ERG: variants seen among roughly 807,000 people sequenced by gnomAD.
The protein encoded by ERG is transcriptional regulator ERG.
ERG carries 9 observed loss-of-function variants against 55.3 expected under a neutral mutation model. That is an observed-to-expected ratio of 0.16 (90% CI 0.10 to 0.28). The LOEUF is 0.28. ERG is among the 10% of genes least tolerant of loss of function. The pLI, the probability that ERG is intolerant of heterozygous loss-of-function variation, is 1.00. For synonymous variants in ERG, 223 were observed against 237.3 expected (o/e 0.94, Z 0.55); for missense variants, 434 against 631.6 (o/e 0.69, Z 3.35).
chr21:38,621,985 C>T (rs1449398009), intron 1 of ERG, among the ~76,000 whole-genome samples: 3 of 152,250 alleles, frequency 2.0e-5, no homozygotes, highest in Admixed American at 6.5e-5. Flanking sequence ...TAAACACACG[C>T]AGCTGCTCAG....
At chr21:38,560,760 C>T (rs535753531) in intron 2 of ERG, among the ~76,000 whole-genome samples, 11 of 152,284 alleles carry the variant, frequency 7.2e-5, no homozygotes, top group Admixed American at 2.0e-4. Context: ...TTACCCATGA[C>T]GCTATTTAGC....
intron 1 of ERG, among the ~76,000 whole-genome samples, chr21:38,599,547 C>T (rs1180569120): frequency 3.3e-5 from 5 of 152,192 alleles, no homozygotes; most frequent in Admixed American, 3.3e-4. Flanking sequence ...CCTGGAGAAC[C>T]AGAGGCAGAG....
downstream of ERG, among the ~76,000 whole-genome samples, chr21:38,378,223 T>G (rs906236026): frequency 2.0e-5 from 3 of 152,204 alleles, no homozygotes; most frequent in Admixed American, 2.0e-4. Context: ...GGACAACACT[T>G]AATATTTCAC....
At chr21:38,522,139 T>C (rs1355192401) in intron 2 of ERG, among the ~76,000 whole-genome samples, 2 of 152,164 alleles carry the variant, frequency 1.3e-5, no homozygotes, top group African/African-American at 4.8e-5. Flanking sequence ...GTGGTCCCCT[T>C]CCTATGAGTA....
chr21:38,445,018 CTTGG>C (rs2058876874), intron 2 of ERG, among the ~76,000 whole-genome samples: 1 of 152,140 alleles, frequency 6.6e-6, no homozygotes, highest in Non-Finnish European at 1.5e-5. Flanking sequence ...AAAGAGAGTT[CTTGG>C]TAAATATACT....
chr21:38,607,181 G>A (rs961785394), intron 1 of ERG, among the ~76,000 whole-genome samples: 26 of 152,216 alleles, frequency 1.7e-4, no homozygotes, highest in East Asian at 5.8e-4. Flanking sequence ...AAAATTCTAC[G>A]TCAGGCAAAA....
intron 2 of ERG, among the ~76,000 whole-genome samples, chr21:38,442,446 T>C (rs17230547): frequency 0.047 from 7,101 of 152,258 alleles, 207 homozygotes; most frequent in African/African-American, 0.076. Context: ...GAAAAAGATG[T>C]TTCCCGGAAA....
chr21:38,561,463 T>C (rs1326290196), intron 2 of ERG, among the ~76,000 whole-genome samples: 1 of 152,052 alleles, frequency 6.6e-6, no homozygotes, highest in African/African-American at 2.4e-5. Flanking sequence ...TCCTTTTTTT[T>C]TTTTTTTCAA....
chr21:38,470,647 T>A (rs2059130871), intron 1 of ERG: 1 of 152,152 alleles, frequency 6.6e-6, no homozygotes, highest in Non-Finnish European at 1.5e-5. Context: ...CATTTTATAA[T>A]TACATTTGTC....
rs1389380501 is a variant in ERG, at chr21:38,451,126, C to CAG, written c.19-5507_19-5506dup. On this transcript the variant is annotated intron_variant, in intron 1 of 9. Transcript: ENST00000288319. Reference sequence around the variant, plus strand: ...AGAGATGGAATCACCTAGAGAGAGACAGAGAGAGAGAGGCTGGTAGAGGGA... The same window carrying CAG: ...AGAGATGGAATCACCTAGAGAGAGACAGAGAGAGAGAGAGGCTGGTAGAGGGA... 11 of 474,734 alleles carry CAG rather than the reference C, an allele frequency of 2.3e-5. No individual in the cohort carries two copies. In the East Asian group the frequency reaches 2.5e-4, roughly 11 times the overall value. 29.4% of individuals were successfully genotyped at this position (474,734 alleles called of 1,614,324 possible).
intron 6 of ERG, among the ~76,000 whole-genome samples, chr21:38,394,337 T>G (rs2146435850): frequency 6.6e-6 from 1 of 151,908 alleles, no homozygotes; most frequent in South Asian, 2.1e-4. Context: ...TGCATCAAAA[T>G]CAGCATTTTG....
intron 7 of ERG, 69 bp downstream of exon 7, chr21:38,392,307 A>C (rs775630962): frequency 7.9e-7 from 1 of 1,269,496 alleles, no homozygotes; most frequent in South Asian, 1.3e-5. Context: ...AGAAATTATT[A>C]TATACTCCAT....
chr21:38,653,490 G>A (rs2060500366), intron 1 of ERG, among the ~76,000 whole-genome samples: 1 of 152,130 alleles, frequency 6.6e-6, no homozygotes, highest in African/African-American at 2.4e-5. Context: ...TCCACCTGTA[G>A]GTATTTATCC....
intron 1 of ERG, among the ~76,000 whole-genome samples, chr21:38,654,501 T>C (rs1412179409): frequency 6.6e-6 from 1 of 152,202 alleles, no homozygotes; most frequent in Non-Finnish European, 1.5e-5. Context: ...ATAAAATCCT[T>C]TTACTTTGAT....
rs184132147 is a variant in ERG, at chr21:38,423,637, G to T, written c.237-76C>A. 265 of 1,460,428 alleles carry T rather than the reference G, an allele frequency of 1.8e-4. 3 individuals are homozygous for T. In the African/African-American group the frequency reaches 3.0e-3, roughly 17 times the overall value. The allele number at this position is 1,460,428 out of a possible 1,614,324, so 90.5% of individuals were successfully genotyped here. On this transcript the variant is annotated intron_variant, in intron 2 of 9. Transcript: ENST00000288319. ...CTCCATCGACTTCTCACAATACACAGAGAGAACCAAAGAAGGGCAAGGCGG... is the reference window on the plus strand; with the variant it reads ...CTCCATCGACTTCTCACAATACACATAGAGAACCAAAGAAGGGCAAGGCGG...
At chr21:38,544,353 C>T (rs1568899693) in intron 2 of ERG, among the ~76,000 whole-genome samples, 1 of 152,162 alleles carries the variant, frequency 6.6e-6, no homozygotes, top group Non-Finnish European at 1.5e-5. Flanking sequence ...GTCATCCCGG[C>T]TCCCTGTGAA....
chr21:38,432,097 T>C (rs1464297253), intron 2 of ERG, among the ~76,000 whole-genome samples: 1 of 152,096 alleles, frequency 6.6e-6, no homozygotes, highest in Non-Finnish European at 1.5e-5. Flanking sequence ...TTTGATTTGA[T>C]TTTATTGTTT....
Position 38,445,399 on chromosome 21 carries a change from CT to C in ERG, c.236+4del. On this transcript the variant is annotated splice_donor_region_variant and intron_variant, in intron 2 of 9. Transcript: ENST00000288319. ...AGGGAGAGAAAGGGGCGGAAGTCTCCTTACCTTGAGCCATTCACCTGGCTAG... is the reference window on the plus strand; with the variant it reads ...AGGGAGAGAAAGGGGCGGAAGTCTCCTACCTTGAGCCATTCACCTGGCTAG... 6.2e-7 allele frequency: 1 copy of C among 1,612,180 alleles called. No homozygotes were observed. The highest frequency in any genetic ancestry group is 8.5e-7 in the Non-Finnish European group (1 of 1,178,384).
At chr21:38,509,322 G>A (rs547699559) in intron 2 of ERG, among the ~76,000 whole-genome samples, 19 of 152,282 alleles carry the variant, frequency 1.2e-4, no homozygotes, top group South Asian at 2.1e-4. Flanking sequence ...ATCTTGATTG[G>A]CATTGCCTAT....
Sources: allele counts gnomAD v4.1 joint callset (sites outside exome capture counted in the v4.1 genomes callset), GRCh38; gene constraint gnomAD v4.1.1; transcripts MANE v1.5; gene names NCBI Gene and HGNC (gene_info 2026-07-23, HGNC 2026-07-21).